Variants in RALYL observed in about 807,000 individuals in gnomAD.
RALYL encodes the protein RNA-binding Raly-like protein.
RALYL carries 29 observed loss-of-function variants against 35.1 expected under a neutral mutation model. That is an observed-to-expected ratio of 0.83 (90% CI 0.61 to 1.13). The LOEUF (loss-of-function observed/expected upper bound fraction) is 1.13, where lower values mean the gene tolerates loss of function less well. RALYL is among the 50% of genes most tolerant of loss of function. The probability of loss-of-function intolerance (pLI) is 0.00; values close to 1 mark genes in which losing one functional copy is unlikely to be tolerated. For synonymous variants in RALYL, 120 were observed against 127.6 expected, an observed-to-expected ratio of 0.94 and a Z score of 0.40; for missense variants, 359 against 360.4, an observed-to-expected ratio of 1.00 and a Z score of 0.03.
chr8:84,738,017 G>A (rs958822463), intron 2 of RALYL, among the ~76,000 whole-genome samples: 2 of 152,058 alleles, frequency 1.3e-5, no homozygotes, highest in South Asian at 2.1e-4. Flanking sequence ...TGTACTAGGT[G>A]TTGGTGTGTG....
At chr8:84,207,722 A>G (rs35505211) in intron 1 of RALYL, among the ~76,000 whole-genome samples, 25,412 of 151,802 alleles carry the variant, frequency 0.17, 2,563 homozygotes, top group Non-Finnish European at 0.24. Context: ...AAATATATTC[A>G]CCAACCCCCA....
At chr8:84,709,257 C>T (rs949804367) in intron 2 of RALYL, among the ~76,000 whole-genome samples, 8 of 152,080 alleles carry the variant, frequency 5.3e-5, no homozygotes, top group Admixed American at 4.6e-4. Context: ...GGTCATTCCC[C>T]TACTCAAAGA....
At chr8:84,801,961 A>C (rs528218060) in intron 3 of RALYL, among the ~76,000 whole-genome samples, 29 of 152,292 alleles carry the variant, frequency 1.9e-4, no homozygotes, top group African/African-American at 6.5e-4. Flanking sequence ...AAATAACTTG[A>C]TATGTATTAA....
chr8:84,554,103 C>T (rs368238348), intron 2 of RALYL, among the ~76,000 whole-genome samples: 2 of 152,184 alleles, frequency 1.3e-5, no homozygotes, highest in South Asian at 4.2e-4. Context: ...CTTTTAGAAA[C>T]TTGATTGTCA....
At chr8:84,693,576 G>C (rs1020287581) in intron 2 of RALYL, among the ~76,000 whole-genome samples, 1 of 151,794 alleles carries the variant, frequency 6.6e-6, no homozygotes, top group Admixed American at 6.6e-5. Flanking sequence ...AATAGCAAAT[G>C]AAAACTTGAA....
At chr8:84,903,620 T>A (rs563699550) in intron 8 of RALYL, among the ~76,000 whole-genome samples, 1 of 152,262 alleles carries the variant, frequency 6.6e-6, no homozygotes, top group East Asian at 1.9e-4. Flanking sequence ...TGCTACATAC[T>A]AATATCAGTA....
At chr8:84,295,327 AG>A (rs1237726029) in intron 1 of RALYL, among the ~76,000 whole-genome samples, 1 of 152,162 alleles carries the variant, frequency 6.6e-6, no homozygotes, top group Non-Finnish European at 1.5e-5. Context: ...GAGATCTTTA[AG>A]GAAGTTCCTA....
At chr8:84,713,242 T>C (rs1842468187) in intron 2 of RALYL, among the ~76,000 whole-genome samples, 1 of 152,056 alleles carries the variant, frequency 6.6e-6, no homozygotes, top group African/African-American at 2.4e-5. Context: ...CTTGGCACTT[T>C]GGTAGATCAG....
intron 1 of RALYL, among the ~76,000 whole-genome samples, chr8:84,508,026 A>C (rs545233396): frequency 1.4e-4 from 21 of 152,308 alleles, no homozygotes; most frequent in African/African-American, 4.8e-4. Context: ...GATGCATTAG[A>C]GTCAATATGT....
chr8:84,680,043 TC>T (rs1418930552), intron 2 of RALYL, among the ~76,000 whole-genome samples: 1 of 151,974 alleles, frequency 6.6e-6, no homozygotes, highest in African/African-American at 2.4e-5. Flanking sequence ...GATGTTCCCT[TC>T]CTGTGTCCAT....
intron 2 of RALYL, among the ~76,000 whole-genome samples, chr8:84,579,418 C>T (rs1449651995): frequency 6.6e-6 from 1 of 152,156 alleles, no homozygotes; most frequent in Non-Finnish European, 1.5e-5. Context: ...CAGCTGTGCC[C>T]AGGAGCGTGG....
At chr8:84,778,311 A>G (rs1817333218) in intron 3 of RALYL, among the ~76,000 whole-genome samples, 1 of 152,200 alleles carries the variant, frequency 6.6e-6, no homozygotes, top group Admixed American at 6.5e-5. Context: ...CCACTGAGGC[A>G]TAACTTTGAT....
At chr8:84,372,863 T>A (rs1187608408) in intron 1 of RALYL, among the ~76,000 whole-genome samples, 1 of 141,548 alleles carries the variant, frequency 7.1e-6, no homozygotes, top group Non-Finnish European at 1.5e-5. Flanking sequence ...GTTCCCTTTT[T>A]CTCCACAACC....
chr8:84,731,511 A>C (rs1209535219), intron 2 of RALYL, among the ~76,000 whole-genome samples: 1 of 152,204 alleles, frequency 6.6e-6, no homozygotes, highest in Non-Finnish European at 1.5e-5. Context: ...TTAATCGATC[A>C]CCAAACGTCA....
At chr8:84,850,724 C>A (rs1052530364) in intron 5 of RALYL, among the ~76,000 whole-genome samples, 1 of 152,218 alleles carries the variant, frequency 6.6e-6, no homozygotes, top group Non-Finnish European at 1.5e-5. Context: ...CATGCCTTCT[C>A]ATTTCCTAAC....
At chr8:84,297,432 A>C (rs1839971531) in intron 1 of RALYL, among the ~76,000 whole-genome samples, 1 of 152,086 alleles carries the variant, frequency 6.6e-6, no homozygotes, top group African/African-American at 2.4e-5. Flanking sequence ...TATATGTACC[A>C]CATTTTCTTT....
chr8:84,345,677 G>C (rs143469196), intron 1 of RALYL, among the ~76,000 whole-genome samples: 2 of 151,710 alleles, frequency 1.3e-5, no homozygotes, highest in Non-Finnish European at 2.9e-5. Context: ...CTTCCTTCAC[G>C]CCCTAATATA....
chr8:84,731,775 A>G (rs914665303), intron 2 of RALYL, among the ~76,000 whole-genome samples: 1 of 152,150 alleles, frequency 6.6e-6, no homozygotes, highest in African/African-American at 2.4e-5. Context: ...TAAAAAAACT[A>G]TCGCTTTCTA....
intron 2 of RALYL, among the ~76,000 whole-genome samples, chr8:84,714,967 C>CA (rs778054785): frequency 6.7e-4 from 98 of 146,382 alleles, no homozygotes; most frequent in Non-Finnish European, 1.2e-3. Context: ...AAACTTCCTA[C>CA]AAAAAAAATG....
Sources: allele counts gnomAD v4.1 joint callset (sites outside exome capture counted in the v4.1 genomes callset), GRCh38; gene constraint gnomAD v4.1.1; transcripts MANE v1.5; gene names NCBI Gene and HGNC (gene_info 2026-07-23, HGNC 2026-07-21).